CNNM2: variants seen among roughly 807,000 people sequenced by gnomAD.
CNNM2 encodes cyclin and CBS domain divalent metal cation transport mediator 2.
A neutral mutation model predicts 66.9 loss-of-function variants in CNNM2; 12 were observed. The observed-to-expected ratio is 0.18, with a 90% CI of 0.11 to 0.29. The LOEUF (loss-of-function observed/expected upper bound fraction) is 0.29. Ranked by LOEUF, CNNM2 falls within the 10% of genes least tolerant of loss-of-function variation. The pLI, the probability that CNNM2 is intolerant of heterozygous loss-of-function variation, is 1.00. For missense variants in CNNM2, 705 were observed against 1,167.7 expected, an observed-to-expected ratio of 0.60 and a Z score of 5.77; for synonymous variants, 557 against 501.8, an observed-to-expected ratio of 1.11 and a Z score of -1.47.
At chr10:102,922,785 A>T (rs1564806526) in intron 1 of CNNM2, among the ~76,000 whole-genome samples, 2 of 152,052 alleles carry the variant, frequency 1.3e-5, no homozygotes, top group African/African-American at 4.8e-5. Flanking sequence ...TACAAAAAAT[A>T]CAAAAATTAG....
In CNNM2 at chr10:103,089,643, A is replaced by G; in HGVS notation, c.*12463A>G. On this transcript the variant is annotated 3_prime_UTR_variant, in exon 8 of 8. Transcript: ENST00000369878. ...TGTGAGTCCTGCCAGGACTTGTTTA[A>G]TGGGTGCTTGGGGTTTTGGTTTTCC... The G allele has an allele frequency of 6.4e-7, 1 of 1,554,368 alleles. No individual in the cohort carries two copies. The highest frequency in any genetic ancestry group is 8.7e-7 in the Non-Finnish European group (1 of 1,150,338).
At chr10:102,958,228 G>A (rs915297109) in intron 1 of CNNM2, among the ~76,000 whole-genome samples, 3 of 152,072 alleles carry the variant, frequency 2.0e-5, no homozygotes, top group African/African-American at 7.2e-5. Context: ...GAGCCACTGC[G>A]CCCGGCCTGA....
chr10:102,927,202 T>C, intron 1 of CNNM2: 3 of 1,027,398 alleles, frequency 2.9e-6, no homozygotes, highest in Middle Eastern at 3.0e-4. Context: ...TATGTATATG[T>C]TATTGACAGT....
intron 1 of CNNM2, among the ~76,000 whole-genome samples, chr10:103,043,228 G>C (rs1303092469): frequency 3.3e-5 from 5 of 152,136 alleles, no homozygotes; most frequent in Admixed American, 2.6e-4. Context: ...GACCCCACAG[G>C]CTCAGTTTGC....
chr10:102,970,407 A>C (rs558039855), intron 1 of CNNM2, among the ~76,000 whole-genome samples: 1 of 152,218 alleles, frequency 6.6e-6, no homozygotes, highest in African/African-American at 2.4e-5. Context: ...CTATTCATTT[A>C]TGTGTTACCC....
At chr10:103,059,675 A>C (rs1481124635) in intron 4 of CNNM2, among the ~76,000 whole-genome samples, 1 of 152,224 alleles carries the variant, frequency 6.6e-6, no homozygotes, top group Non-Finnish European at 1.5e-5. Context: ...ATAACTTAAC[A>C]AAATACGTAT....
At chr10:102,995,508 C>T (rs2134247973) in intron 1 of CNNM2, among the ~76,000 whole-genome samples, 1 of 151,300 alleles carries the variant, frequency 6.6e-6, no homozygotes, top group South Asian at 2.1e-4. Context: ...CCACACCTGT[C>T]CTTTCTCTTT....
intron 1 of CNNM2, among the ~76,000 whole-genome samples, chr10:102,958,562 C>T (rs1847139067): frequency 1.3e-5 from 2 of 148,538 alleles, no homozygotes; most frequent in Admixed American, 6.8e-5. Context: ...CCTCCGCCTC[C>T]CAGGTTCAGG....
In CNNM2 at chr10:103,077,161, A is replaced by G. The variant is rs1225410429; in HGVS notation, c.2609A>G (p.His870Arg). The G allele has an allele frequency of 6.2e-7, 1 of 1,613,182 alleles. No individual in the cohort carries two copies. The highest frequency in any genetic ancestry group is 1.3e-5 in the African/African-American group (1 of 74,918). The change falls in exon 8 of 8, where the codon CAC becomes CGC. Residue 870 changes from histidine to arginine, a missense_variant. Around this residue, in one of 9 missense-constraint regions of CNNM2, gnomAD observed 194 missense variants for 227.6 expected, o/e 0.85. Coordinates refer to ENST00000369878, the MANE Select transcript of CNNM2 (RefSeq NM_017649.5). ...VTHSKANHSL[H>R]NEGAI ...CACAGTAAGGCCAACCACAGCCTGC[A>G]CAACGAAGGCGCCATCTAGGCCGCG...
At chr10:103,030,767 T>A (rs117877062) in intron 1 of CNNM2, among the ~76,000 whole-genome samples, 1 of 152,222 alleles carries the variant, frequency 6.6e-6, no homozygotes, top group East Asian at 1.9e-4. Context: ...AACACAATGT[T>A]AGGTACCAAT....
rs914273500 is a variant in CNNM2 at position 103,080,915 on chromosome 10, A to G, written c.*3735A>G. The stretch of plus-strand genomic sequence containing the variant: ...GGCTGATCAAGTCTGTGTCCTGCCT[A>G]GTAAAAACACACAACCACCTCTGTC... On this transcript the variant is annotated 3_prime_UTR_variant, in exon 8 of 8. Transcript: ENST00000369878. 2 of 152,162 alleles carry G rather than the reference A, an allele frequency of 1.3e-5. No homozygotes were observed. Among genetic ancestry groups the G allele is most frequent in the Non-Finnish European group, 2.9e-5 (2 of 68,060 alleles). The allele number at this position is 152,162 out of a possible 1,614,324, so 9.4% of individuals were successfully genotyped here.
At chr10:102,983,279 T>A (rs2063744902) in intron 1 of CNNM2, among the ~76,000 whole-genome samples, 1 of 149,672 alleles carries the variant, frequency 6.7e-6, no homozygotes, top group Non-Finnish European at 1.5e-5. Flanking sequence ...CTATGGAATT[T>A]TAGGTCTTAA....
chr10:103,003,134 TAGG>T (rs1326495318), intron 1 of CNNM2, among the ~76,000 whole-genome samples: 3 of 132,278 alleles, frequency 2.3e-5, no homozygotes, highest in Non-Finnish European at 4.9e-5. Flanking sequence ...TTTTTTTTAA[TAGG>T]AGTCTCACTC....
chr10:103,026,105 C>G (rs918776982), intron 1 of CNNM2, among the ~76,000 whole-genome samples: 3 of 152,204 alleles, frequency 2.0e-5, no homozygotes, highest in Non-Finnish European at 4.4e-5. Flanking sequence ...AGGCCCTTGC[C>G]AGATGTGGGC....
At chr10:103,056,749 C>T (rs779487243) in intron 3 of CNNM2, 46 bp from the exon 4 acceptor site, 3 of 1,545,596 alleles carry the variant, frequency 1.9e-6, no homozygotes, top group Admixed American at 1.7e-5. Flanking sequence ...TATAATTTTT[C>T]TCTCTCTGTT....
intron 1 of CNNM2, among the ~76,000 whole-genome samples, chr10:102,941,243 A>G (rs1453330159): frequency 6.6e-6 from 1 of 151,332 alleles, no homozygotes; most frequent in Non-Finnish European, 1.5e-5. Flanking sequence ...TTACAGTAAT[A>G]TGATATTGTC....
intron 1 of CNNM2, among the ~76,000 whole-genome samples, chr10:102,968,569 T>G (rs1564824715): frequency 6.6e-6 from 1 of 151,912 alleles, no homozygotes; most frequent in Non-Finnish European, 1.5e-5. Context: ...TGTCAACACT[T>G]GGCATGTGAG....
At chr10:102,971,941 A>C (rs2063552929) in intron 1 of CNNM2, among the ~76,000 whole-genome samples, 1 of 151,934 alleles carries the variant, frequency 6.6e-6, no homozygotes, top group African/African-American at 2.4e-5. Context: ...TGAATTATCT[A>C]TTGCTTATTT....
rs1590242199 is a variant in CNNM2 at position 102,918,305 on chromosome 10, T to C, written c.-176T>C. 8.8e-7 allele frequency: 1 copy of C among 1,141,632 alleles called. No individual in the cohort carries two copies. The highest frequency in any genetic ancestry group is 1.2e-6 in the Non-Finnish European group (1 of 847,644). 70.7% of individuals were successfully genotyped at this position (1,141,632 alleles called of 1,614,324 possible). The stretch of plus-strand genomic sequence containing the variant: ...GCCGGCGCTCCTCTCCCTCCCTCTT[T>C]CCCTCCCGCGAGCCTCGGGGTTCCT... On this transcript the variant is annotated 5_prime_UTR_variant, in exon 1 of 8. Transcript: ENST00000369878. This position sits in a 1 kb window ranked among gnomAD's most constrained non-coding sequence, Gnocchi z 4.1.
Sources: gnomAD v4.1 joint callset for allele counts (sites outside exome capture counted in the v4.1 genomes callset) on GRCh38, gnomAD v4.1.1 for gene constraint, gnomAD v4.1.1 regional missense constraint, Gnocchi (gnomAD v3.1) non-coding constraint, MANE v1.5 for transcripts, NCBI Gene and HGNC (gene_info 2026-07-23, HGNC 2026-07-21) for gene names.